ANO3: variants seen among roughly 807,000 people sequenced by gnomAD.
ANO3 encodes anoctamin 3, also known as anoctamin-3.
A neutral mutation model predicts 144.8 loss-of-function variants in ANO3; 99 were observed. The observed-to-expected ratio is 0.68, with a 90% confidence interval of 0.58 to 0.81. The LOEUF (loss-of-function observed/expected upper bound fraction) is 0.81, where lower values mean the gene tolerates loss of function less well. Ranked by LOEUF, ANO3 falls within the 30% of genes least tolerant of loss-of-function variation. The probability of loss-of-function intolerance (pLI) is 0.00; values close to 1 mark genes in which losing one functional copy is unlikely to be tolerated. For synonymous variants in ANO3, 414 were observed against 392.6 expected, an observed-to-expected ratio of 1.05 and a Z score of -0.64; for missense variants, 905 against 1,202.2, an observed-to-expected ratio of 0.75 and a Z score of 3.66.
chr11:26,300,855 C>CTTTTTTTTTT (rs376885670), intron 1 of ANO3, among the ~76,000 whole-genome samples: 16 of 129,060 alleles, frequency 1.2e-4, no homozygotes, highest in African/African-American at 3.1e-4. Context: ...TCTTTTTTTT[C>CTTTTTTTTTT]TTTTTTTTTT....
intron 14 of ANO3, among the ~76,000 whole-genome samples, chr11:26,586,501 A>ATTTTTTTTTTTTTTTTTTTTTTTTTTTTT (rs1281089936): frequency 2.5e-5 from 1 of 40,018 alleles, no homozygotes; most frequent in African/African-American, 8.9e-5. Flanking sequence ...CCTGGTGAGA[A>ATTTTTTTTTTTTTTTTTTTTTTTTTTTTT]TCTTTTTTTT....
chr11:26,535,451 A>C (rs1849481733), intron 9 of ANO3, among the ~76,000 whole-genome samples: 1 of 152,126 alleles, frequency 6.6e-6, no homozygotes. Context: ...AATGTTAGTC[A>C]TATCCTAAAA....
intron 1 of ANO3, among the ~76,000 whole-genome samples, chr11:26,204,648 A>G (rs894922662): frequency 2.0e-5 from 3 of 152,064 alleles, no homozygotes; most frequent in Non-Finnish European, 4.4e-5. Context: ...AGTTTTCCTG[A>G]TGCTGCTCTT....
At chr11:26,612,799 T>C (rs11029643) in intron 17 of ANO3, among the ~76,000 whole-genome samples, 38,689 of 151,936 alleles carry the variant, frequency 0.25, 5,064 homozygotes, top group Middle Eastern at 0.31. Flanking sequence ...TTTTTTTCCT[T>C]TCAGCACTTT....
At chr11:26,657,684 A>G (rs1853733832) in intron 26 of ANO3, among the ~76,000 whole-genome samples, 1 of 151,992 alleles carries the variant, frequency 6.6e-6, no homozygotes, top group African/African-American at 2.4e-5. Context: ...TTTACAAAAA[A>G]AATACATAGT....
chr11:26,277,513 A>T (rs1001101870), intron 1 of ANO3, among the ~76,000 whole-genome samples: 10 of 152,102 alleles, frequency 6.6e-5, no homozygotes, highest in Non-Finnish European at 1.2e-4. Context: ...AAACTTTCAC[A>T]ATTTGTCTCT....
In ANO3 at chr11:26,661,353, A is replaced by C. The variant is rs1236824552; in HGVS notation, c.*909A>C. The C allele has an allele frequency of 2.0e-5, 3 of 152,542 alleles. No homozygotes were observed. The highest frequency in any genetic ancestry group is 4.4e-5 in the Non-Finnish European group (3 of 68,010). 9.4% of individuals were successfully genotyped at this position (152,542 alleles called of 1,614,324 possible). On this transcript the variant is annotated 3_prime_UTR_variant, in exon 27 of 27. Transcript: ENST00000256737. ...AATATTAACTTGAAATGCTGTAAAT[A>C]CGTTGGTTTTCCTTGTCCCTTTGCA...
chr11:26,398,327 G>C (rs1590326952), intron 1 of ANO3, among the ~76,000 whole-genome samples: 1 of 151,996 alleles, frequency 6.6e-6, no homozygotes, highest in South Asian at 2.1e-4. Context: ...AGGAGAATGA[G>C]TTCTACAAAT....
At chr11:26,591,583 T>C (rs1168110939) in intron 14 of ANO3, among the ~76,000 whole-genome samples, 2 of 152,092 alleles carry the variant, frequency 1.3e-5, no homozygotes, top group Non-Finnish European at 2.9e-5. Flanking sequence ...CCCTATACGA[T>C]GGGACATCAA....
chr11:26,196,357 AT>A (rs1158935678), intron 1 of ANO3, among the ~76,000 whole-genome samples: 14 of 152,094 alleles, frequency 9.2e-5, no homozygotes, highest in African/African-American at 3.4e-4. Flanking sequence ...TTCTTATCTG[AT>A]TCCACAGTAG....
intron 24 of ANO3, among the ~76,000 whole-genome samples, chr11:26,653,215 C>T (rs1225228280): frequency 6.6e-6 from 1 of 152,164 alleles, no homozygotes; most frequent in African/African-American, 2.4e-5. Context: ...ACATCTAAAA[C>T]TTGCCATGCC....
chr11:26,246,601 T>TGTGG (rs1852801844), intron 1 of ANO3, among the ~76,000 whole-genome samples: 47 of 149,868 alleles, frequency 3.1e-4, no homozygotes, highest in African/African-American at 1.1e-3. Flanking sequence ...ACCTTATTTT[T>TGTGG]AAGAGTTCTT....
intron 1 of ANO3, among the ~76,000 whole-genome samples, chr11:26,343,304 C>T (rs1249059964): frequency 7.2e-5 from 11 of 152,172 alleles, no homozygotes; most frequent in Admixed American, 7.2e-4. Flanking sequence ...TTTCAGTGAA[C>T]ATACATGTTG....
intron 24 of ANO3, among the ~76,000 whole-genome samples, chr11:26,652,741 G>C (rs1182243915): frequency 1.3e-5 from 2 of 152,054 alleles, no homozygotes; most frequent in African/African-American, 2.4e-5. Context: ...AGAGTTTTCT[G>C]TTCCTATGTT....
chr11:26,284,996 G>T (rs909904484), intron 1 of ANO3, among the ~76,000 whole-genome samples: 1 of 152,170 alleles, frequency 6.6e-6, no homozygotes, highest in African/African-American at 2.4e-5. Context: ...AAATATACTT[G>T]AATCAAGCCT....
chr11:26,354,724 C>T (rs182725229), intron 1 of ANO3, among the ~76,000 whole-genome samples: 28 of 152,042 alleles, frequency 1.8e-4, no homozygotes, highest in African/African-American at 6.3e-4. Context: ...TTTCATATTA[C>T]CTCCACAATT....
At chr11:26,290,610 T>A (rs1361557257) in intron 1 of ANO3, among the ~76,000 whole-genome samples, 1 of 152,218 alleles carries the variant, frequency 6.6e-6, no homozygotes, top group Non-Finnish European at 1.5e-5. Context: ...ATATGTTGTG[T>A]CTTTGTTTTC....
intron 1 of ANO3, among the ~76,000 whole-genome samples, chr11:26,368,615 TAGAGACAGAGAGACAGAGGAAG>T (rs902546897): frequency 6.6e-6 from 1 of 151,152 alleles, no homozygotes; most frequent in African/African-American, 2.4e-5. Flanking sequence ...GATTGAGAGA[TAGAGACAGAGAGACAGAGGAAG>T]AGAGACAAAG....
chr11:26,434,190 T>A (rs1858214959), intron 1 of ANO3, among the ~76,000 whole-genome samples: 1 of 152,134 alleles, frequency 6.6e-6, no homozygotes, highest in South Asian at 2.1e-4. Context: ...TCTTCTAGGT[T>A]TTCCAGTTTG....
Sources: gnomAD v4.1 joint callset for allele counts (sites outside exome capture counted in the v4.1 genomes callset) on GRCh38, gnomAD v4.1.1 for gene constraint, MANE v1.5 for transcripts, NCBI Gene and HGNC (gene_info 2026-07-23, HGNC 2026-07-21) for gene names.